FRAS1: variants seen among roughly 807,000 people sequenced by gnomAD.
The protein encoded by FRAS1 is Fraser extracellular matrix complex subunit 1.
FRAS1 carries 290 observed loss-of-function variants against 435.2 expected under a neutral mutation model. The observed-to-expected ratio is 0.67, with a 90% CI of 0.61 to 0.73. The LOEUF is 0.73. Among genes scored for constraint, FRAS1 ranks in the 30% least tolerant of loss-of-function variants. The pLI, the probability that FRAS1 is intolerant of heterozygous loss-of-function variation, is 0.00. For synonymous variants in FRAS1, 1,800 were observed against 1,851.0 expected (o/e 0.97, Z 0.71); for missense variants, 4,860 against 5,001.5 (o/e 0.97, Z 0.85).
chr4:78,366,072 G>C (rs960939582), intron 22 of FRAS1, among the ~76,000 whole-genome samples: 2 of 151,930 alleles, frequency 1.3e-5, no homozygotes, highest in Non-Finnish European at 2.9e-5. Flanking sequence ...TTGAGGAAAT[G>C]TAATCAGTAT....
chr4:78,509,121 A>G (rs1436241677), intron 63 of FRAS1, 115 bp downstream of exon 63: 1 of 1,162,634 alleles, frequency 8.6e-7, no homozygotes, highest in Non-Finnish European at 1.2e-6. Flanking sequence ...GGAATAAAAC[A>G]AATAAGCAGG....
intron 2 of FRAS1, among the ~76,000 whole-genome samples, chr4:78,183,147 G>A (rs1295765711): frequency 2.0e-5 from 3 of 152,152 alleles, no homozygotes; most frequent in African/African-American, 7.2e-5. Context: ...AGCCAGATAT[G>A]GACTTGCATA....
Position 78,281,562 on chromosome 4 carries a change from C to T in FRAS1, c.1107+129C>T, listed in dbSNP as rs797022118. 14 of 554,962 alleles carry T rather than the reference C, an allele frequency of 2.5e-5. No individual in the cohort carries two copies. In the African/African-American group the frequency reaches 2.6e-4, roughly 10 times the overall value. 34.4% of individuals were successfully genotyped at this position (554,962 alleles called of 1,614,324 possible). A position where few individuals can be genotyped will look rare whatever the true frequency, so the allele number is the denominator to read the frequency against. On this transcript the variant is annotated intron_variant, in intron 11 of 73. Transcript: ENST00000512123. ...CAGCCACATTTGATGGCACTATGAT[C>T]AGGAATTAAGAATCTTAATGATAAC...
chr4:78,466,427 G>A lies in FRAS1; in HGVS notation c.7249G>A (p.Gly2417Arg). The A allele has an allele frequency of 6.2e-7, 1 of 1,612,534 alleles. No individual in the cohort carries two copies. Among genetic ancestry groups the A allele is most frequent in the South Asian group, 1.1e-5 (1 of 90,796 alleles). The change falls in exon 50 of 74, where the codon GGA becomes AGA. Residue 2417 changes from glycine to arginine, a missense_variant. Transcript: ENST00000512123. ...CCCCTTCTTTATCATTGAGGAAGGG[G>A]GAAAAGAGGTGAGGGGTGAGGACAC... The part of the protein sequence containing the change: ...TNPFFIIEEG[G>R]KEIMTAAPQP...
intron 57 of FRAS1, 43 bp from the exon 58 acceptor site, chr4:78,482,345 G>T (rs775193275): frequency 6.2e-7 from 1 of 1,612,816 alleles, no homozygotes; most frequent in Admixed American, 1.7e-5. Context: ...ATGGGTGTTA[G>T]ATGGTGGGTC....
chr4:78,484,486 C>T (rs1043322831), intron 58 of FRAS1, among the ~76,000 whole-genome samples: 5 of 152,134 alleles, frequency 3.3e-5, no homozygotes, highest in Admixed American at 1.3e-4. Context: ...CCTCATTTAT[C>T]ATTTTTCTAT....
In FRAS1 at chr4:78,267,454, AT is replaced by A. The variant is rs761289240; in HGVS notation, c.981+25del. Reference sequence around the variant, plus strand: ...CCGGGTAAGAAGCAGGGGCATTTCCATTTGGAACGTTGCAGCTCTTTCCAAC... The same window carrying A: ...CCGGGTAAGAAGCAGGGGCATTTCCATTGGAACGTTGCAGCTCTTTCCAAC... On this transcript the variant is annotated intron_variant, in intron 9 of 73. Transcript: ENST00000512123. 1.3e-5 allele frequency: 21 copies of A among 1,607,004 alleles called. 1 individual carries two copies. The South Asian group carries it at 2.3e-4, about 18-fold the overall frequency.
chr4:78,118,929 C>G (rs763096989), intron 2 of FRAS1, among the ~76,000 whole-genome samples: 3 of 152,202 alleles, frequency 2.0e-5, no homozygotes, highest in Non-Finnish European at 4.4e-5. Context: ...GAGCTGTAGA[C>G]TGGAGCTGTT....
intron 2 of FRAS1, among the ~76,000 whole-genome samples, chr4:78,149,444 C>T (rs1200835730): frequency 6.6e-6 from 1 of 152,156 alleles, no homozygotes; most frequent in Non-Finnish European, 1.5e-5. Flanking sequence ...TAGACTGTCC[C>T]ACCAGCACCA....
chr4:78,492,939 A>G (rs1400684428), intron 59 of FRAS1, among the ~76,000 whole-genome samples: 4 of 152,254 alleles, frequency 2.6e-5, no homozygotes, highest in African/African-American at 9.6e-5. Flanking sequence ...AGAATCTATA[A>G]GAAACTTAAA....
At chr4:78,155,647 A>C (rs1165889911) in intron 2 of FRAS1, among the ~76,000 whole-genome samples, 1 of 152,222 alleles carries the variant, frequency 6.6e-6, no homozygotes, top group Non-Finnish European at 1.5e-5. Context: ...GGCAGTAAGG[A>C]AGAAAGCTTC....
chr4:78,336,638 TTGC>T (rs949169765), intron 19 of FRAS1, among the ~76,000 whole-genome samples: 1 of 152,090 alleles, frequency 6.6e-6, no homozygotes, highest in African/African-American at 2.4e-5. Flanking sequence ...TCTTGCTTGC[TTGC>T]TTTTTTTTTT....
At chr4:78,181,344 C>T in intron 2 of FRAS1, 3 of 1,611,352 alleles carry the variant, frequency 1.9e-6, no homozygotes, top group Non-Finnish European at 1.7e-6. Flanking sequence ...TTTGATTGAT[C>T]CAAGTCAGTT....
chr4:78,519,430 C>G lies in FRAS1; in HGVS notation c.10489C>G (p.His3497Asp), dbSNP rs368726476. 1.2e-6 allele frequency: 2 copies of G among 1,611,650 alleles called. No individual in the cohort carries two copies. Among genetic ancestry groups the G allele is most frequent in the Non-Finnish European group, 1.7e-6 (2 of 1,179,086 alleles). Residue 3497 changes from histidine (H) to aspartate (D), a missense_variant, in exon 67 of 74, where the codon CAC (histidine) becomes GAC (aspartate). His to Asp is a moderately conservative substitution (Grantham distance 81, BLOSUM62 -1). Transcript: ENST00000512123. ...APRGWASLEH[H>D]TEMEFSFFYD... ...CAGGGGCTGGGCCTCCTTGGAGCAC[C>G]ACACCGAGATGGAGTTTTCTTTCTT...
chr4:78,109,388 A>C (rs1410204679), intron 2 of FRAS1, among the ~76,000 whole-genome samples: 1 of 147,396 alleles, frequency 6.8e-6, no homozygotes, highest in Non-Finnish European at 1.5e-5. Context: ...GCACATCAAA[A>C]AGCTTATCCA....
At chr4:78,218,100 A>T (rs78353429) in intron 2 of FRAS1, among the ~76,000 whole-genome samples, 2,438 of 58,332 alleles carry the variant, frequency 0.042, 223 homozygotes, top group African/African-American at 0.15. Flanking sequence ...ACTCTCTCTC[A>T]CACACACACA....
chr4:78,521,714 A>G, intron 68 of FRAS1, 84 bp downstream of exon 68: 1 of 808,704 alleles, frequency 1.2e-6, no homozygotes, highest in Non-Finnish European at 2.0e-6. Context: ...TAGAACAGTA[A>G]AAAACAGTCA....
At chr4:78,515,754 A>T in intron 65 of FRAS1, 45 bp from the exon 66 acceptor site, 1 of 1,582,146 alleles carries the variant, frequency 6.3e-7, no homozygotes, top group East Asian at 2.2e-5. Flanking sequence ...GCTCCTTGGC[A>T]TCCACAAACC....
intron 38 of FRAS1, among the ~76,000 whole-genome samples, chr4:78,433,942 C>T (rs531529403): frequency 4.6e-5 from 7 of 152,290 alleles, no homozygotes; most frequent in African/African-American, 1.7e-4. Context: ...ATTTACCCAC[C>T]AGAGCAGAAA....
Sources: gnomAD v4.1 joint callset for allele counts (sites outside exome capture counted in the v4.1 genomes callset) on GRCh38, gnomAD v4.1.1 for gene constraint, MANE v1.5 for transcripts, NCBI Gene and HGNC (gene_info 2026-07-23, HGNC 2026-07-21) for gene names.